Variants in C11orf87 observed in about 807,000 individuals in gnomAD.
C11orf87 encodes the protein uncharacterized protein C11orf87.
A neutral mutation model predicts 9.2 loss-of-function variants in C11orf87; 3 were observed. The observed-to-expected ratio is 0.33, with a 90% CI of 0.15 to 0.84. The LOEUF (loss-of-function observed/expected upper bound fraction) is 0.84. Ranked by LOEUF, C11orf87 falls within the 40% of genes least tolerant of loss-of-function variation. The pLI is 0.55. For missense variants in C11orf87, 256 were observed against 270.7 expected, an observed-to-expected ratio of 0.95 and a Z score of 0.38; for synonymous variants, 124 against 124.6, an observed-to-expected ratio of 1.00 and a Z score of 0.03.
Position 109,423,691 on chromosome 11 carries a change from C to T in C11orf87, c.58C>T (p.Arg20Trp), listed in dbSNP as rs143434579. The change falls in exon 2 of 2, where the codon CGG (arginine) becomes TGG (tryptophan). Residue 20 changes from arginine to tryptophan, a missense_variant. By Grantham distance (101) the Arg-to-Trp change is moderately radical (BLOSUM62 -3). Coordinates refer to ENST00000327419, the MANE Select transcript of C11orf87 (RefSeq NM_207645.4). This position sits in a 1 kb window ranked among gnomAD's most constrained non-coding sequence, Gnocchi z 5.3. Reference protein sequence around the residue: ...RLALPPCLLNRTFASPNASGS... With the variant: ...RLALPPCLLNWTFASPNASGS... The stretch of plus-strand genomic sequence containing the variant: ...GGCGTTGCCGCCGTGTCTCCTCAAC[C>T]GGACCTTTGCTTCCCCCAACGCCAG... The T allele has an allele frequency of 6.2e-6, 10 of 1,611,756 alleles. No individual in the cohort carries two copies. Among genetic ancestry groups the T allele is most frequent in the African/African-American group, 2.7e-5 (2 of 74,924 alleles).
Position 109,423,282 on chromosome 11 carries a change from C to T in C11orf87, c.-259-93C>T, listed in dbSNP as rs531038758. The T allele has an allele frequency of 8.6e-6, 3 of 349,690 alleles. No homozygotes were observed. The highest frequency in any genetic ancestry group is 1.6e-5 in the Non-Finnish European group (3 of 190,640). 21.7% of individuals were successfully genotyped at this position (349,690 alleles called of 1,614,324 possible). ...GCAGCGCCCAGCTCAGGCAGTGTGC[C>T]CAGAGGGCCGCTTTGCGGTGGTGGT... On this transcript the variant is annotated intron_variant, in intron 1 of 1. Coordinates refer to ENST00000327419, the MANE Select transcript of C11orf87 (RefSeq NM_207645.4). This position sits in a 1 kb window ranked among gnomAD's most constrained non-coding sequence, Gnocchi z 5.3.
chr11:109,423,607 G>A lies in C11orf87; in HGVS notation c.-27G>A, dbSNP rs754867916. ...TGTGCCCAAGAGGGGAAGCCTAGTG[G>A]GCCTGGCCCCTCCCAGCCCCGCGCC... is the stretch of plus-strand genomic sequence containing the variant. On this transcript the variant is annotated 5_prime_UTR_variant, in exon 2 of 2. Coordinates refer to ENST00000327419, the MANE Select transcript of C11orf87 (RefSeq NM_207645.4). This position sits in a 1 kb window ranked among gnomAD's most constrained non-coding sequence, Gnocchi z 5.3. The A allele has an allele frequency of 6.4e-7, 1 of 1,567,500 alleles. No individual in the cohort carries two copies. Among genetic ancestry groups the A allele is most frequent in the South Asian group, 1.1e-5 (1 of 87,230 alleles).
rs932518519 is a variant in C11orf87 at position 109,423,882 on chromosome 11, C to T, written c.249C>T (p.His83=). The change falls in exon 2 of 2, where the codon CAC becomes CAT. Residue 83 remains histidine (H), a synonymous_variant. Transcript: ENST00000327419. This position sits in a 1 kb window ranked among gnomAD's most constrained non-coding sequence, Gnocchi z 5.3. ...CLIVLSLSTF[H]IHKRRMKKRK... The stretch of plus-strand genomic sequence containing the variant: ...TCGTGCTGTCCCTCTCCACTTTCCA[C>T]ATCCACAAGCGTAGGATGAAGAAGC... 3 of 1,614,036 alleles carry T rather than the reference C, an allele frequency of 1.9e-6. No homozygotes were observed. The highest frequency in any genetic ancestry group is 1.1e-5 in the South Asian group (1 of 91,094).
intron 1 of C11orf87, among the ~76,000 whole-genome samples, chr11:109,422,720 T>G (rs1860508171): frequency 7.1e-6 from 1 of 140,912 alleles, no homozygotes; most frequent in Non-Finnish European, 1.5e-5. Flanking sequence ...ATGCTTCAGC[T>G]GCTTTTTTTT....
rs1860499887 is a variant in C11orf87, at chr11:109,422,226, G to A, written c.-297G>A. 1.5e-5 allele frequency: 3 copies of A among 202,276 alleles called. No individual in the cohort carries two copies. The highest frequency in any genetic ancestry group is 6.0e-5 in the South Asian group (1 of 16,658). 12.5% of individuals were successfully genotyped at this position (202,276 alleles called of 1,614,324 possible). A position where few individuals can be genotyped will look rare whatever the true frequency, so the allele number is the denominator to read the frequency against. ...TCTGCAGCCGCCACTGCAGCCGCGC[G>A]GCGGGGGCTCCCTCCTTGCAGCCAG... On this transcript the variant is annotated 5_prime_UTR_variant, in exon 1 of 2. Transcript: ENST00000327419.
In C11orf87 at chr11:109,427,959, T is replaced by C. The variant is rs1191939346; in HGVS notation, c.*3732T>C. The C allele has an allele frequency of 6.6e-6, 1 of 152,126 alleles. No individual in the cohort carries two copies. Among genetic ancestry groups the C allele is most frequent in the Non-Finnish European group, 1.5e-5 (1 of 67,988 alleles). 9.4% of individuals were successfully genotyped at this position (152,126 alleles called of 1,614,324 possible). A position where few individuals can be genotyped will look rare whatever the true frequency, so the allele number is the denominator to read the frequency against. ...AGAGGATACTGAAAAGTCCGGTATG[T>C]GCATGCACTTGTTTCTCTGGGGTCA... On this transcript the variant is annotated 3_prime_UTR_variant, in exon 2 of 2. Coordinates refer to ENST00000327419, the MANE Select transcript of C11orf87 (RefSeq NM_207645.4).
chr11:109,424,164 C>T lies in C11orf87; in HGVS notation c.531C>T (p.His177=). Residue 177 remains histidine, a synonymous_variant, in exon 2 of 2, where the codon CAC becomes CAT. Coordinates refer to ENST00000327419, the MANE Select transcript of C11orf87 (RefSeq NM_207645.4). The surrounding 1 kb of genome is among the most constrained non-coding windows in gnomAD (Gnocchi z 4.7). ...PPPASSPQGA[H]AASSCLDTAG... The stretch of plus-strand genomic sequence containing the variant: ...CAGCCTCCAGTCCCCAAGGAGCACA[C>T]GCAGCTTCCTCCTGTTTGGACACAG... 1.9e-6 allele frequency: 3 copies of T among 1,614,196 alleles called. No homozygotes were observed. The highest frequency in any genetic ancestry group is 1.3e-5 in the African/African-American group (1 of 75,066).
rs1860569853 is a variant in C11orf87 at position 109,426,146 on chromosome 11, G to T, written c.*1919G>T. The stretch of plus-strand genomic sequence containing the variant: ...CATATTACAATATTAATTATATGCA[G>T]TGACATCTCTTCTTGGAAATCAAGC... On this transcript the variant is annotated 3_prime_UTR_variant, in exon 2 of 2. Transcript: ENST00000327419. 6.6e-6 allele frequency: 1 copy of T among 152,182 alleles called. No individual in the cohort carries two copies. The highest frequency in any genetic ancestry group is 1.5e-5 in the Non-Finnish European group (1 of 68,036). 9.4% of individuals were successfully genotyped at this position (152,182 alleles called of 1,614,324 possible).
rs1311411534 is a variant in C11orf87 at position 109,427,699 on chromosome 11, ATTGTTT to A, written c.*3475_*3480del. On this transcript the variant is annotated 3_prime_UTR_variant, in exon 2 of 2. Transcript: ENST00000327419. The stretch of plus-strand genomic sequence containing the variant: ...TAATAAGGTGGCATGCTTGATTCTT[ATTGTTT>A]TTAAAAATGAGAAAATTTGGAGAGA... 6 of 152,104 alleles carry A rather than the reference ATTGTTT, an allele frequency of 3.9e-5. No homozygotes were observed. In the South Asian group the frequency reaches 1.2e-3, roughly 31 times the overall value. 9.4% of individuals were successfully genotyped at this position (152,104 alleles called of 1,614,324 possible).
intron 1 of C11orf87, 84 bp downstream of exon 1, chr11:109,422,347 C>G (rs1860501942): frequency 6.1e-6 from 1 of 164,812 alleles, no homozygotes; most frequent in African/African-American, 2.4e-5. Context: ...GCTCACGCGG[C>G]CTGAGCAGCC....
In C11orf87 at chr11:109,423,804, C is replaced by T; in HGVS notation, c.171C>T (p.Ser57=). 6.2e-7 allele frequency: 1 copy of T among 1,614,136 alleles called. No homozygotes were observed. The highest frequency in any genetic ancestry group is 8.5e-7 in the Non-Finnish European group (1 of 1,179,974). Residue 57 remains serine, a synonymous_variant, in exon 2 of 2, where the codon TCC becomes TCT. Coordinates refer to ENST00000327419, the MANE Select transcript of C11orf87 (RefSeq NM_207645.4). This position sits in a 1 kb window ranked among gnomAD's most constrained non-coding sequence, Gnocchi z 5.3. ...AGGTGGGACAGCAGCTCTTCCAGTCCTTCTCCTCCACGCTGGTGCTGATTG... is the reference window on the plus strand; with the variant it reads ...AGGTGGGACAGCAGCTCTTCCAGTCTTTCTCCTCCACGCTGGTGCTGATTG... The part of the protein sequence containing the change: ...ITQVGQQLFQ[S]FSSTLVLIVL...
intron 1 of C11orf87, among the ~76,000 whole-genome samples, chr11:109,422,938 T>A (rs1860513404): frequency 6.6e-6 from 1 of 151,116 alleles, no homozygotes. Flanking sequence ...AAGGGAGGAC[T>A]GCGTACCCGG....
In C11orf87 at chr11:109,424,467, T is replaced by G. The variant is rs1860543841; in HGVS notation, c.*240T>G. 7.0e-6 allele frequency: 2 copies of G among 285,094 alleles called. No homozygotes were observed. The highest frequency in any genetic ancestry group is 1.4e-4 in the East Asian group (2 of 14,022). The allele number at this position is 285,094 out of a possible 1,614,324, so 17.7% of individuals were successfully genotyped here. A position where few individuals can be genotyped will look rare whatever the true frequency, so the allele number is the denominator to read the frequency against. On this transcript the variant is annotated 3_prime_UTR_variant, in exon 2 of 2. Coordinates refer to ENST00000327419, the MANE Select transcript of C11orf87 (RefSeq NM_207645.4). The surrounding 1 kb of genome is among the most constrained non-coding windows in gnomAD (Gnocchi z 4.7). ...CTGATAATAATACTTTATTAATATT[T>G]ATAGTAATTATTATAATACTAATAA...
Position 109,423,432 on chromosome 11 carries a change from G to A in C11orf87, c.-202G>A, listed in dbSNP as rs1294116643. On this transcript the variant is annotated 5_prime_UTR_variant, in exon 2 of 2. Coordinates refer to ENST00000327419, the MANE Select transcript of C11orf87 (RefSeq NM_207645.4). The surrounding 1 kb of genome is among the most constrained non-coding windows in gnomAD (Gnocchi z 5.3). ...GAGACGTGTTCGAGGTGGTATCGGC[G>A]AGGATCTCTCGGGCGCCGCTCACTC... The A allele has an allele frequency of 3.4e-6, 2 of 588,420 alleles. No homozygotes were observed. The highest frequency in any genetic ancestry group is 6.0e-6 in the Non-Finnish European group (2 of 334,600). The allele number at this position is 588,420 out of a possible 1,614,324, so 36.4% of individuals were successfully genotyped here. A position where few individuals can be genotyped will look rare whatever the true frequency, so the allele number is the denominator to read the frequency against.
At position 109,423,418 on chromosome 11, in the gene C11orf87, G is replaced by A. The variant is rs1591273949; in HGVS notation, c.-216G>A. On this transcript the variant is annotated 5_prime_UTR_variant, in exon 2 of 2. Transcript: ENST00000327419. The surrounding 1 kb of genome is among the most constrained non-coding windows in gnomAD (Gnocchi z 5.3). ...GAAAGGGGAGCGTGGAGACGTGTTC[G>A]AGGTGGTATCGGCGAGGATCTCTCG... 1.7e-6 allele frequency: 1 copy of A among 584,570 alleles called. No individual in the cohort carries two copies. The highest frequency in any genetic ancestry group is 3.0e-6 in the Non-Finnish European group (1 of 331,882). 36.2% of individuals were successfully genotyped at this position (584,570 alleles called of 1,614,324 possible).
At chr11:109,422,545 G>A (rs1860505328) in intron 1 of C11orf87, among the ~76,000 whole-genome samples, 1 of 152,154 alleles carries the variant, frequency 6.6e-6, no homozygotes, top group Non-Finnish European at 1.5e-5. Flanking sequence ...CTTTGGGCTG[G>A]GTCTGGGAAG....
rs1428800400 is a variant in C11orf87 at position 109,424,927 on chromosome 11, G to A, written c.*700G>A. The A allele has an allele frequency of 6.0e-6, 1 of 167,040 alleles. No homozygotes were observed. The highest frequency in any genetic ancestry group is 1.5e-5 in the Non-Finnish European group (1 of 68,114). 10.3% of individuals were successfully genotyped at this position (167,040 alleles called of 1,614,324 possible). A position where few individuals can be genotyped will look rare whatever the true frequency, so the allele number is the denominator to read the frequency against. On this transcript the variant is annotated 3_prime_UTR_variant, in exon 2 of 2. Coordinates refer to ENST00000327419, the MANE Select transcript of C11orf87 (RefSeq NM_207645.4). The surrounding 1 kb of genome is among the most constrained non-coding windows in gnomAD (Gnocchi z 4.7). ...TAACCATTACATTTTCCAGGACAGA[G>A]CATTTAATTTACTTTTTAAAATGAC...
rs1244811840 is a variant in C11orf87 at position 109,427,535 on chromosome 11, G to T, written c.*3308G>T. On this transcript the variant is annotated 3_prime_UTR_variant, in exon 2 of 2. Transcript: ENST00000327419. ...GGGATGCTACCAACAGGGCATTTAG[G>T]TTTTCATTTTTATGAAACAAAAGGC... 6.6e-6 allele frequency: 1 copy of T among 152,030 alleles called. No individual in the cohort carries two copies. Among genetic ancestry groups the T allele is most frequent in the South Asian group, 2.1e-4 (1 of 4,820 alleles). The allele number at this position is 152,030 out of a possible 1,614,324, so 9.4% of individuals were successfully genotyped here. A position where few individuals can be genotyped will look rare whatever the true frequency, so the allele number is the denominator to read the frequency against.
At chr11:109,422,569 T>C (rs1238710589) in intron 1 of C11orf87, among the ~76,000 whole-genome samples, 1 of 152,020 alleles carries the variant, frequency 6.6e-6, no homozygotes. Flanking sequence ...AGAAAGAAGG[T>C]CCCGTTCCCC....
Sources: allele counts gnomAD v4.1 joint callset (sites outside exome capture counted in the v4.1 genomes callset), GRCh38; gene constraint gnomAD v4.1.1; non-coding constraint Gnocchi (gnomAD v3.1); transcripts MANE v1.5; gene names NCBI Gene and HGNC (gene_info 2026-07-23, HGNC 2026-07-21).